OLA1: variants seen among roughly 807,000 people sequenced by gnomAD.
The protein encoded by OLA1 is Obg like ATPase 1.
A neutral mutation model predicts 48.4 loss-of-function variants in OLA1; 14 were observed. The ratio of observed to expected loss-of-function variants is 0.29; its 90% confidence interval spans 0.19 to 0.45. The LOEUF (loss-of-function observed/expected upper bound fraction) is 0.45, where lower values mean the gene tolerates loss of function less well. Ranked by LOEUF, OLA1 falls within the 20% of genes least tolerant of loss-of-function variation. The pLI is 1.00. For missense variants in OLA1, 325 were observed against 467.1 expected (o/e 0.70, Z 2.80); for synonymous variants, 127 against 150.4 (o/e 0.84, Z 1.14).
chr2:174,163,237 G>C (rs1574519877), intron 4 of OLA1, among the ~76,000 whole-genome samples: 2 of 152,182 alleles, frequency 1.3e-5, no homozygotes, highest in East Asian at 3.9e-4. Flanking sequence ...ACACTGATCA[G>C]AAAAAGAGAG....
At chr2:174,203,170 A>G (rs115217433) in intron 4 of OLA1, among the ~76,000 whole-genome samples, 138 of 152,334 alleles carry the variant, frequency 9.1e-4, no homozygotes, top group Non-Finnish European at 1.5e-3. Flanking sequence ...TAAACCTTCT[A>G]TTTGCAAGTA....
chr2:174,147,788 G>A (rs1262511102), intron 4 of OLA1, among the ~76,000 whole-genome samples: 1 of 152,180 alleles, frequency 6.6e-6, no homozygotes, highest in East Asian at 1.9e-4. Flanking sequence ...AACATGCATT[G>A]TTTATAGAAA....
rs184150745 is a variant in OLA1 at position 174,141,747 on chromosome 2, T to C, written c.549+78A>G. Reference sequence around the variant, plus strand: ...AAATTCCATAACAATATTAGATGTATCATATGCATTATTTAAAAAATTTAA... The same window carrying C: ...AAATTCCATAACAATATTAGATGTACCATATGCATTATTTAAAAAATTTAA... On this transcript the variant is annotated intron_variant, in intron 5 of 10. Transcript: ENST00000284719. The C allele has an allele frequency of 1.7e-4, 172 of 1,032,884 alleles. No homozygotes were observed. Among genetic ancestry groups the C allele is most frequent in the Non-Finnish European group, 2.3e-4 (159 of 702,574 alleles). 64.0% of individuals were successfully genotyped at this position (1,032,884 alleles called of 1,614,324 possible). A position where few individuals can be genotyped will look rare whatever the true frequency, so the allele number is the denominator to read the frequency against.
intron 2 of OLA1, among the ~76,000 whole-genome samples, chr2:174,230,895 A>C (rs1688713907): frequency 2.0e-5 from 3 of 152,222 alleles, no homozygotes; most frequent in Admixed American, 1.3e-4. Context: ...AAATGAAAAC[A>C]AAAAATTTGG....
intron 4 of OLA1, among the ~76,000 whole-genome samples, chr2:174,176,939 G>C (rs1687434922): frequency 6.6e-6 from 1 of 152,114 alleles, no homozygotes. Flanking sequence ...AGCAAACCAT[G>C]ATTGAGAGAA....
chr2:174,117,921 T>C (rs1045265755), intron 7 of OLA1, among the ~76,000 whole-genome samples: 6 of 152,134 alleles, frequency 3.9e-5, no homozygotes, highest in Non-Finnish European at 8.8e-5. Flanking sequence ...CATTCTCACA[T>C]TGCTATAAAG....
chr2:174,221,235 T>A (rs924928442), intron 4 of OLA1, among the ~76,000 whole-genome samples: 1 of 150,158 alleles, frequency 6.7e-6, no homozygotes, highest in East Asian at 2.0e-4. Flanking sequence ...TTAAATACAA[T>A]ATAGTATGTA....
intron 4 of OLA1, among the ~76,000 whole-genome samples, chr2:174,168,001 C>T (rs980161112): frequency 6.6e-6 from 1 of 152,156 alleles, no homozygotes; most frequent in African/African-American, 2.4e-5. Context: ...CTAAGCTGCA[C>T]TGGAGAGCAA....
intron 7 of OLA1, among the ~76,000 whole-genome samples, chr2:174,095,657 A>G (rs923081728): frequency 6.6e-6 from 1 of 152,188 alleles, no homozygotes; most frequent in Non-Finnish European, 1.5e-5. Context: ...TACAAAAATT[A>G]AAATGGACCA....
At chr2:174,141,571 A>G (rs1189014312) in intron 5 of OLA1, among the ~76,000 whole-genome samples, 2 of 152,186 alleles carry the variant, frequency 1.3e-5, no homozygotes, top group Non-Finnish European at 2.9e-5. Context: ...TAAAACTTGA[A>G]GGCCTACATA....
intron 2 of OLA1, among the ~76,000 whole-genome samples, chr2:174,234,662 C>A (rs1010125180): frequency 1.3e-5 from 2 of 152,086 alleles, no homozygotes; most frequent in African/African-American, 4.8e-5. Context: ...CAGGGTTTCA[C>A]CCTGTTGCAC....
chr2:174,135,068 G>A (rs530214213), intron 5 of OLA1, among the ~76,000 whole-genome samples: 9 of 150,862 alleles, frequency 6.0e-5, no homozygotes, highest in Admixed American at 4.0e-4. Flanking sequence ...GCTGAGGCAG[G>A]AGACTGGCAT....
chr2:174,091,869 C>CAAAAAA lies in OLA1; in HGVS notation c.729-9811_729-9806dup, dbSNP rs1174747360. 3.7e-3 allele frequency among the ~76,000 whole-genome samples: 85 copies of CAAAAAA among 22,978 alleles called. 34 individuals carry two copies. Among genetic ancestry groups the CAAAAAA allele is most frequent in the Non-Finnish European group, 5.7e-3 (59 of 10,402 alleles). The allele number at this position is 22,978 out of a possible 152,430, so 15.1% of individuals were successfully genotyped here. ...CCTGGGAGACAGCGAGACTCTGCCT[C>CAAAAAA]AAAAAAAAAAAAAAAAAAAAAAAAA... On this transcript the variant is annotated intron_variant, in intron 7 of 10. Transcript: ENST00000284719.
chr2:174,112,846 T>C (rs1685685379), intron 7 of OLA1, among the ~76,000 whole-genome samples: 1 of 152,242 alleles, frequency 6.6e-6, no homozygotes, highest in African/African-American at 2.4e-5. Context: ...GTCTGTGGTA[T>C]CTGTTACAGC....
intron 1 of OLA1, 111 bp from the exon 2 acceptor site, chr2:174,246,926 A>G: frequency 1.5e-6 from 1 of 664,380 alleles, no homozygotes; most frequent in Non-Finnish European, 2.6e-6. Context: ...AACAAAACAT[A>G]CTGTATATAG....
At chr2:174,237,081 A>G (rs936375819) in intron 2 of OLA1, among the ~76,000 whole-genome samples, 5 of 152,204 alleles carry the variant, frequency 3.3e-5, no homozygotes, top group African/African-American at 4.8e-5. Context: ...CTCTTTTGTA[A>G]TAACACTTAG....
chr2:174,195,210 C>T (rs1010035777), intron 4 of OLA1, among the ~76,000 whole-genome samples: 4 of 150,212 alleles, frequency 2.7e-5, no homozygotes, highest in Non-Finnish European at 4.4e-5. Context: ...AAATTTTATA[C>T]ACTTATTGCT....
intron 4 of OLA1, among the ~76,000 whole-genome samples, chr2:174,144,945 A>ATATATATATATATAT (rs1307616947): frequency 1.5e-5 from 1 of 68,300 alleles, no homozygotes; most frequent in Non-Finnish European, 2.8e-5. Context: ...AAAAAAAAAA[A>ATATATATATATATAT]AAAAAAATAT....
At chr2:174,178,899 C>T (rs1373279551) in intron 4 of OLA1, among the ~76,000 whole-genome samples, 1 of 151,812 alleles carries the variant, frequency 6.6e-6, no homozygotes, top group Non-Finnish European at 1.5e-5. Flanking sequence ...ACAGCATTAC[C>T]TTTTATTTGC....
Sources: allele counts gnomAD v4.1 joint callset (sites outside exome capture counted in the v4.1 genomes callset), GRCh38; gene constraint gnomAD v4.1.1; transcripts MANE v1.5; gene names NCBI Gene and HGNC (gene_info 2026-07-23, HGNC 2026-07-21).